PCDH9: variants seen among roughly 807,000 people sequenced by gnomAD.
PCDH9 encodes the protein protocadherin-9.
PCDH9 carries 24 observed loss-of-function variants against 70.6 expected under a neutral mutation model. The observed-to-expected ratio is 0.34, with a 90% CI of 0.25 to 0.48. The LOEUF is 0.48. PCDH9 is among the 20% of genes least tolerant of loss of function. The probability of loss-of-function intolerance (pLI) is 0.99; values close to 1 mark genes in which losing one functional copy is unlikely to be tolerated. For missense variants in PCDH9, 1,281 were observed against 1,503.6 expected, an observed-to-expected ratio of 0.85 and a Z score of 2.45; for synonymous variants, 562 against 558.5, an observed-to-expected ratio of 1.01 and a Z score of -0.09.
intron 2 of PCDH9, among the ~76,000 whole-genome samples, chr13:67,155,647 A>G (rs1258893518): frequency 1.3e-5 from 2 of 152,192 alleles, no homozygotes; most frequent in African/African-American, 4.8e-5. Context: ...TTTCTAAGGA[A>G]TTAGCAATGT....
chr13:66,558,724 A>G (rs1961858721), intron 4 of PCDH9, among the ~76,000 whole-genome samples: 1 of 152,004 alleles, frequency 6.6e-6, no homozygotes, highest in Non-Finnish European at 1.5e-5. Flanking sequence ...CATGCAAAGT[A>G]TGGGCTTAGT....
At position 66,789,270 on chromosome 13, in the gene PCDH9, C is replaced by A. The variant is rs139748031; in HGVS notation, c.3138+114234G>T. The stretch of plus-strand genomic sequence containing the variant: ...TGTGAATCAATGTTTGACTTCATAG[C>A]CTAGGCTCTTAACCAGCACCCTTTC... On this transcript the variant is annotated intron_variant, in intron 3 of 4. Transcript: ENST00000377865. Among the ~76,000 whole-genome samples the A allele has an allele frequency of 1.2e-3, 179 of 152,250 alleles. 4 individuals carry two copies. In the East Asian group the frequency reaches 0.033, roughly 28 times the overall value.
At chr13:67,193,516 C>T (rs1355016998) in intron 2 of PCDH9, among the ~76,000 whole-genome samples, 1 of 152,028 alleles carries the variant, frequency 6.6e-6, no homozygotes, top group African/African-American at 2.4e-5. Flanking sequence ...TATCTCAAAT[C>T]TTGCCTGAAA....
At chr13:66,756,882 C>T (rs56411464) in intron 3 of PCDH9, among the ~76,000 whole-genome samples, 12,394 of 152,184 alleles carry the variant, frequency 0.081, 528 homozygotes, top group East Asian at 0.14. Context: ...ATCACCCAGG[C>T]TGGAGTGCAG....
intron 4 of PCDH9, among the ~76,000 whole-genome samples, chr13:66,372,632 T>G (rs555918979): frequency 6.6e-6 from 1 of 151,638 alleles, no homozygotes; most frequent in South Asian, 2.1e-4. Context: ...AAAGACATTC[T>G]TTGTCATAAG....
chr13:66,832,426 T>C, intron 3 of PCDH9, among the ~76,000 whole-genome samples: 1 of 152,234 alleles, frequency 6.6e-6, no homozygotes. Context: ...TGATAAATTA[T>C]AATAATTATT....
chr13:66,837,737 C>T (rs1340915650), intron 3 of PCDH9, among the ~76,000 whole-genome samples: 2 of 152,104 alleles, frequency 1.3e-5, no homozygotes, highest in South Asian at 2.1e-4. Flanking sequence ...ATGACTTTCT[C>T]GTTAAAAAAC....
chr13:67,078,285 G>A (rs913890154), intron 2 of PCDH9, among the ~76,000 whole-genome samples: 9 of 152,096 alleles, frequency 5.9e-5, no homozygotes, highest in African/African-American at 1.7e-4. Flanking sequence ...ATTTTTCTTA[G>A]ACCTGCACTT....
At chr13:66,390,017 G>A (rs1393683226) in intron 4 of PCDH9, among the ~76,000 whole-genome samples, 1 of 152,100 alleles carries the variant, frequency 6.6e-6, no homozygotes, top group Non-Finnish European at 1.5e-5. Context: ...GAGAGAGTGA[G>A]AGACAAAGAC....
At chr13:66,757,422 C>T (rs934091964) in intron 3 of PCDH9, among the ~76,000 whole-genome samples, 4 of 152,098 alleles carry the variant, frequency 2.6e-5, no homozygotes, top group Non-Finnish European at 4.4e-5. Context: ...ATTAGTTCCA[C>T]CAGTAACATA....
At chr13:66,672,593 G>A (rs1299886725) in intron 3 of PCDH9, among the ~76,000 whole-genome samples, 6 of 152,200 alleles carry the variant, frequency 3.9e-5, no homozygotes, top group Admixed American at 3.9e-4. Context: ...TACACTGAAA[G>A]CTTGCACCAT....
chr13:66,894,617 A>T (rs1397120055), intron 3 of PCDH9, among the ~76,000 whole-genome samples: 1 of 152,162 alleles, frequency 6.6e-6, no homozygotes, highest in African/African-American at 2.4e-5. Flanking sequence ...AACACCAAAC[A>T]ATATCTCACA....
chr13:66,580,692 T>C (rs1204008814), intron 4 of PCDH9, among the ~76,000 whole-genome samples: 1 of 151,944 alleles, frequency 6.6e-6, no homozygotes, highest in East Asian at 2.0e-4. Flanking sequence ...CATTTAACAA[T>C]ATTAGGCACT....
intron 2 of PCDH9, among the ~76,000 whole-genome samples, chr13:66,937,672 G>T (rs1473168207): frequency 1.3e-5 from 2 of 152,252 alleles, no homozygotes; most frequent in Admixed American, 6.5e-5. Flanking sequence ...TTGTAACAAT[G>T]GCTGAGTATT....
intron 4 of PCDH9, among the ~76,000 whole-genome samples, chr13:66,433,062 T>G (rs9529064): frequency 0.38 from 57,977 of 151,780 alleles, 12,011 homozygotes; most frequent in East Asian, 0.51. Flanking sequence ...AAAATTCTAT[T>G]GTTCTTATTA....
intron 3 of PCDH9, among the ~76,000 whole-genome samples, chr13:66,822,655 A>T (rs560416276): frequency 6.6e-6 from 1 of 152,002 alleles, no homozygotes; most frequent in African/African-American, 2.4e-5. Flanking sequence ...GCTCCCAAGT[A>T]GCTGGGATTA....
intron 4 of PCDH9, among the ~76,000 whole-genome samples, chr13:66,494,860 T>A (rs1340751929): frequency 1.3e-5 from 2 of 152,092 alleles, no homozygotes; most frequent in African/African-American, 4.8e-5. Flanking sequence ...TTCTTTTTGG[T>A]CTCTGAATTG....
chr13:66,438,911 C>T (rs1350586715), intron 4 of PCDH9, among the ~76,000 whole-genome samples: 2 of 152,124 alleles, frequency 1.3e-5, no homozygotes, highest in African/African-American at 4.8e-5. Context: ...TAGCTATGAG[C>T]AAAGATGATA....
At chr13:66,419,659 T>C (rs983260692) in intron 4 of PCDH9, among the ~76,000 whole-genome samples, 2 of 151,960 alleles carry the variant, frequency 1.3e-5, no homozygotes, top group Non-Finnish European at 2.9e-5. Flanking sequence ...TTGCAACCCA[T>C]AGACCAGGAG....
Sources: allele counts gnomAD v4.1 joint callset (sites outside exome capture counted in the v4.1 genomes callset), GRCh38; gene constraint gnomAD v4.1.1; transcripts MANE v1.5; gene names NCBI Gene and HGNC (gene_info 2026-07-23, HGNC 2026-07-21).